Variants in ADGRE2 observed in about 807,000 individuals in gnomAD.
ADGRE2 encodes the protein CD97 antigen.
In ADGRE2, 83 loss-of-function variants were observed where a neutral mutation model predicts 100.8. The ratio of observed to expected loss-of-function variants is 0.82; its 90% CI spans 0.69 to 0.99. The LOEUF (loss-of-function observed/expected upper bound fraction) is 0.99, where lower values mean the gene tolerates loss of function less well. Among genes scored for constraint, ADGRE2 ranks in the 50% least tolerant of loss-of-function variants. The pLI, the probability that ADGRE2 is intolerant of heterozygous loss-of-function variation, is 0.00. For missense variants in ADGRE2, 814 were observed against 1,035.7 expected (o/e 0.79, Z 2.94); for synonymous variants, 355 against 413.0 (o/e 0.86, Z 1.70).
At chr19:14,726,925 T>C in the ADGRE2 span, among the ~76,000 whole-genome samples, 11,247 of 152,106 alleles carry the variant, frequency 0.074, 1,014 homozygotes, top group African/African-American at 0.21. Flanking sequence ...TACACAGTTC[T>C]AAAGCTGCTT....
intron 6 of ADGRE2, 72 bp from the exon 7 acceptor site, chr19:14,766,453 C>T (rs1439863974): frequency 6.8e-7 from 1 of 1,469,022 alleles, no homozygotes; most frequent in East Asian, 2.3e-5. Flanking sequence ...ACTGCACCCA[C>T]TCCCCTATCT....
chr19:14,769,961 G>A (rs1052640824), intron 5 of ADGRE2, among the ~76,000 whole-genome samples: 1 of 152,204 alleles, frequency 6.6e-6, no homozygotes, highest in Non-Finnish European at 1.5e-5. Context: ...GCCTCCCAAA[G>A]TGCTAGGATT....
At chr19:14,744,326 TAC>T (rs1329853513) in intron 18 of ADGRE2, among the ~76,000 whole-genome samples, 2 of 151,870 alleles carry the variant, frequency 1.3e-5, no homozygotes, top group Non-Finnish European at 2.9e-5. Flanking sequence ...AAATCACCAA[TAC>T]AACCAGGCAT....
intron 18 of ADGRE2, 36 bp downstream of exon 18, chr19:14,746,196 A>G (rs1568584527): frequency 7.8e-7 from 1 of 1,284,860 alleles, no homozygotes. Flanking sequence ...GGAACCATAC[A>G]TGTCTGTGTG....
intron 1 of ADGRE2, among the ~76,000 whole-genome samples, chr19:14,777,956 C>T (rs2044493551): frequency 6.6e-6 from 1 of 152,160 alleles, no homozygotes; most frequent in Admixed American, 6.5e-5. Context: ...AATAAACATA[C>T]ATGTGCATAT....
intron 12 of ADGRE2, 98 bp downstream of exon 12, chr19:14,756,140 C>T (rs1037359285): frequency 1.0e-6 from 1 of 1,003,216 alleles, no homozygotes; most frequent in Non-Finnish European, 1.6e-6. Context: ...AAACATCCCA[C>T]ACTTCCCTTT....
In ADGRE2 at chr19:14,744,108, C is replaced by G. The variant is rs142407670; in HGVS notation, c.2184-324G>C. Among the ~76,000 whole-genome samples the G allele has an allele frequency of 2.0e-5, 3 of 150,914 alleles. No individual in the cohort carries two copies. In the South Asian group the frequency reaches 6.3e-4, roughly 32 times the overall value. Reference sequence around the variant, plus strand: ...AATACAAAAATTAGCCAGGTGTGGTCGGGGGGGCGCCTGTAATCCCAGCTA... The same window carrying G: ...AATACAAAAATTAGCCAGGTGTGGTGGGGGGGGCGCCTGTAATCCCAGCTA... On this transcript the variant is annotated intron_variant, in intron 18 of 20. Transcript: ENST00000315576.
Position 14,777,685 on chromosome 19 carries a change from C to T in ADGRE2, c.-172+572G>A, listed in dbSNP as rs573159882. On this transcript the variant is annotated intron_variant, in intron 1 of 20. Transcript: ENST00000315576. ...ACAGGCCCCAGTGTGTGATGTTTCC[C>T]GCCCTGTGTCCAGGTGTTCTCATTG... 6.1e-4 allele frequency among the ~76,000 whole-genome samples: 92 copies of T among 150,534 alleles called. 1 individual carries two copies. The East Asian group carries it at 6.4e-3, about 11-fold the overall frequency.
chr19:14,770,897 C>A (rs2044182014), intron 5 of ADGRE2, among the ~76,000 whole-genome samples: 3 of 151,926 alleles, frequency 2.0e-5, no homozygotes, highest in African/African-American at 7.3e-5. Flanking sequence ...TCAGGCTGGT[C>A]TTGAACTCCT....
chr19:14,778,476 G>A lies in ADGRE2; in HGVS notation c.-391C>T. On this transcript the variant is annotated 5_prime_UTR_variant, in exon 1 of 21. Coordinates refer to ENST00000315576, the MANE Select transcript of ADGRE2 (RefSeq NM_013447.4). ...CACATAAAAGCCCAGGGAGGGAGAA[G>A]GGGCCCTCTTCCGATGCCAGGCAGG... 1.1e-6 allele frequency: 1 copy of A among 938,078 alleles called. No individual in the cohort carries two copies. Among genetic ancestry groups the A allele is most frequent in the Non-Finnish European group, 1.3e-6 (1 of 786,678 alleles). 58.1% of individuals were successfully genotyped at this position (938,078 alleles called of 1,614,324 possible). A position where few individuals can be genotyped will look rare whatever the true frequency, so the allele number is the denominator to read the frequency against.
Position 14,767,051 on chromosome 19 carries a change from G to A in ADGRE2, c.414C>T (p.Asn138=). 13 of 1,405,874 alleles carry A rather than the reference G, an allele frequency of 9.2e-6. 4 individuals are homozygous for A. The highest frequency in any genetic ancestry group is 1.2e-5 in the Non-Finnish European group (13 of 1,040,750). 87.1% of individuals were successfully genotyped at this position (1,405,874 alleles called of 1,614,324 possible). ...RLCKSYGTCV[N]TLGSYTCQCL... ...ACTGGCACGTGTAGCTGCCGAGGGT[G>A]TTGACGCAGGTGCCGTAGCTTTTAC... The change falls in exon 6 of 21, where the codon AAC becomes AAT. Residue 138 remains asparagine, a synonymous_variant. Transcript: ENST00000315576.
chr19:14,768,187 C>T (rs1388641752), intron 5 of ADGRE2, among the ~76,000 whole-genome samples: 1 of 152,006 alleles, frequency 6.6e-6, no homozygotes, highest in East Asian at 1.9e-4. Context: ...TCTGAGAGCC[C>T]AGCTCCAGGC....
intron 14 of ADGRE2, among the ~76,000 whole-genome samples, chr19:14,754,481 A>ATCTATCTATCTG: frequency 6.6e-6 from 1 of 150,836 alleles, no homozygotes; most frequent in South Asian, 2.1e-4. Context: ...CTATCTATCT[A>ATCTATCTATCTG]TCTATCTATT....
chr19:14,776,498 C>T (rs2044444957), intron 2 of ADGRE2: 8 of 577,270 alleles, frequency 1.4e-5, no homozygotes, highest in Middle Eastern at 4.4e-4. Context: ...TCCCTCCGGG[C>T]AGGGTAGCAG....
rs1312987894 is a variant in ADGRE2 at position 14,734,050 on chromosome 19, T to A, written c.*2186A>T. ...AAAGCAATGCTCTGTAATGTTTTGG[T>A]TCTTATAAAAAGGTGCCCAGAGGAT... On this transcript the variant is annotated 3_prime_UTR_variant, in exon 21 of 21. Coordinates refer to ENST00000315576, the MANE Select transcript of ADGRE2 (RefSeq NM_013447.4). The A allele has an allele frequency of 3.9e-5, 6 of 152,086 alleles. No individual in the cohort carries two copies. The highest frequency in any genetic ancestry group is 8.8e-5 in the Non-Finnish European group (6 of 68,044). The allele number at this position is 152,086 out of a possible 1,614,324, so 9.4% of individuals were successfully genotyped here.
intron 5 of ADGRE2, among the ~76,000 whole-genome samples, chr19:14,771,551 G>A (rs1209520788): frequency 1.3e-5 from 2 of 152,188 alleles, no homozygotes; most frequent in Non-Finnish European, 2.9e-5. Flanking sequence ...GATTTCTTCT[G>A]AGTGCCAGCC....
Position 14,776,882 on chromosome 19 carries a change from G to A in ADGRE2, c.-126C>T. On this transcript the variant is annotated 5_prime_UTR_variant, in exon 2 of 21. Coordinates refer to ENST00000315576, the MANE Select transcript of ADGRE2 (RefSeq NM_013447.4). ...GCCAGGACTTTATAAAGGAGGGGGG[G>A]CGGACAGCCGCTGGCCCAGGGCCCT... 1 of 1,529,096 alleles carries A rather than the reference G, an allele frequency of 6.5e-7. No individual in the cohort carries two copies. The highest frequency in any genetic ancestry group is 1.2e-5 in the South Asian group (1 of 82,642). 94.7% of individuals were successfully genotyped at this position (1,529,096 alleles called of 1,614,324 possible). A position where few individuals can be genotyped will look rare whatever the true frequency, so the allele number is the denominator to read the frequency against.
At chr19:14,738,166 C>A (rs2042814778) in intron 20 of ADGRE2, among the ~76,000 whole-genome samples, 1 of 152,072 alleles carries the variant, frequency 6.6e-6, no homozygotes, top group African/African-American at 2.4e-5. Flanking sequence ...ATCACATGTA[C>A]CTAGAAACTA....
chr19:14,760,512 G>T (rs1196573202), intron 11 of ADGRE2, among the ~76,000 whole-genome samples: 1 of 151,924 alleles, frequency 6.6e-6, no homozygotes. Context: ...ATATCACCCA[G>T]CAATTCCACT....
Sources: gnomAD v4.1 joint callset for allele counts (sites outside exome capture counted in the v4.1 genomes callset) on GRCh38, gnomAD v4.1.1 for gene constraint, MANE v1.5 for transcripts, NCBI Gene and HGNC (gene_info 2026-07-23, HGNC 2026-07-21) for gene names.